Variants in KIAA1549L observed in about 807,000 individuals in gnomAD.
KIAA1549L encodes KIAA1549 like, also known as UPF0606 protein KIAA1549L.
A neutral mutation model predicts 160.7 loss-of-function variants in KIAA1549L; 88 were observed. That is an observed-to-expected ratio of 0.55 (90% CI 0.46 to 0.65). KIAA1549L has a LOEUF of 0.65. Ranked by LOEUF, KIAA1549L falls within the 30% of genes least tolerant of loss-of-function variation. The pLI is 0.00. For synonymous variants in KIAA1549L, 950 were observed against 976.7 expected (o/e 0.97, Z 0.51); for missense variants, 2,258 against 2,437.5 (o/e 0.93, Z 1.55).
In KIAA1549L at chr11:33,495,256, C is replaced by G. The variant is rs902214378; in HGVS notation, c.239-46546C>G. 9.2e-5 allele frequency among the ~76,000 whole-genome samples: 14 copies of G among 152,088 alleles called. No individual in the cohort carries two copies. The South Asian group carries it at 1.0e-3, about 11-fold the overall frequency. ...TCGTCATCTAGCATTAGATATATCT[C>G]CCAATGCTATCCCTCCCCCATCCCC... is the stretch of plus-strand genomic sequence containing the variant. On this transcript the variant is annotated intron_variant, in intron 1 of 20. Coordinates refer to ENST00000658780, the MANE Select transcript of KIAA1549L (RefSeq NM_012194.3).
chr11:33,381,481 C>G (rs1026215351), intron 1 of KIAA1549L, among the ~76,000 whole-genome samples: 6 of 152,160 alleles, frequency 3.9e-5, no homozygotes, highest in Admixed American at 1.3e-4. Context: ...AGCAGGAATG[C>G]CAATGTAGAA....
intron 12 of KIAA1549L, among the ~76,000 whole-genome samples, chr11:33,597,842 C>G (rs1197627311): frequency 6.6e-6 from 1 of 152,172 alleles, no homozygotes; most frequent in African/African-American, 2.4e-5. Context: ...AGCCTGGCTT[C>G]CAGGACTGAT....
rs1467559735 is a variant in KIAA1549L at position 33,543,969 on chromosome 11, G to A, written c.2406G>A (p.Trp802Ter). The A allele has an allele frequency of 6.2e-7, 1 of 1,613,940 alleles. No individual in the cohort carries two copies. The highest frequency in any genetic ancestry group is 1.1e-5 in the South Asian group (1 of 91,084). ...MTMVGSHIDL[W>*]PTSNNNHSRD... is the part of the protein sequence containing the mutation. Reference sequence around the variant, plus strand: ...TGGTTGGAAGCCATATAGACCTCTGGCCCACAAGCAATAACAACCATTCCA... The same window carrying A: ...TGGTTGGAAGCCATATAGACCTCTGACCCACAAGCAATAACAACCATTCCA... Residue 802 changes from tryptophan to a stop codon, truncating the protein, a stop_gained, in exon 2 of 21, where the codon TGG (tryptophan) becomes TGA (stop). Coordinates refer to ENST00000658780, the MANE Select transcript of KIAA1549L (RefSeq NM_012194.3). LOFTEE classifies it high-confidence loss of function.
At chr11:33,622,439 G>C (rs1263644109) in intron 16 of KIAA1549L, among the ~76,000 whole-genome samples, 1 of 152,140 alleles carries the variant, frequency 6.6e-6, no homozygotes, top group Admixed American at 6.5e-5. Flanking sequence ...GAACACCGAG[G>C]TTAAGAAAAC....
intron 13 of KIAA1549L, among the ~76,000 whole-genome samples, chr11:33,606,269 A>G (rs546473108): frequency 2.6e-5 from 4 of 152,374 alleles, no homozygotes; most frequent in African/African-American, 9.6e-5. Flanking sequence ...TCGGATTTTA[A>G]GGACAGTTAC....
chr11:33,578,870 GTCTC>G (rs1417832502), intron 10 of KIAA1549L, among the ~76,000 whole-genome samples: 1 of 152,138 alleles, frequency 6.6e-6, no homozygotes, highest in African/African-American at 2.4e-5. Context: ...GTTGTTGTCT[GTCTC>G]TCTCCCTCAT....
At chr11:33,502,670 T>C (rs1328526280) in intron 1 of KIAA1549L, among the ~76,000 whole-genome samples, 3 of 152,236 alleles carry the variant, frequency 2.0e-5, no homozygotes, top group Non-Finnish European at 1.5e-5. Context: ...GAAATTGTTA[T>C]CTTTATTACC....
chr11:33,651,447 A>G (rs1179910541), intron 17 of KIAA1549L, among the ~76,000 whole-genome samples: 1 of 149,816 alleles, frequency 6.7e-6, no homozygotes, highest in Non-Finnish European at 1.5e-5. Flanking sequence ...AAAAAAGAAA[A>G]AAAAAAAAAA....
At chr11:33,449,359 A>G (rs1214935798) in intron 1 of KIAA1549L, among the ~76,000 whole-genome samples, 1 of 152,088 alleles carries the variant, frequency 6.6e-6, no homozygotes, top group Admixed American at 6.5e-5. Flanking sequence ...TGATGGCTTC[A>G]AATAGCAGAG....
intron 1 of KIAA1549L, among the ~76,000 whole-genome samples, chr11:33,481,237 A>G (rs927441205): frequency 2.6e-5 from 4 of 152,042 alleles, no homozygotes; most frequent in South Asian, 2.1e-4. Flanking sequence ...ACTTTCATCA[A>G]TTATGTTTGT....
rs1470349360 is a variant in KIAA1549L at position 33,544,044 on chromosome 11, T to G, written c.2481T>G (p.His827Gln). The change falls in exon 2 of 21, where the codon CAT (histidine) becomes CAG (glutamine). Residue 827 changes from histidine to glutamine, a missense_variant. By Grantham distance (24) the His-to-Gln change is conservative. Transcript: ENST00000658780. ...EVAYYSPTTR[H>Q]SVSHPQLQLP... ...CATATTACTCACCCACAACTCGACATTCCGTGTCTCATCCTCAGCTACAGT... is the reference window on the plus strand; with the variant it reads ...CATATTACTCACCCACAACTCGACAGTCCGTGTCTCATCCTCAGCTACAGT... The G allele has an allele frequency of 1.2e-6, 2 of 1,614,004 alleles. No individual in the cohort carries two copies. The highest frequency in any genetic ancestry group is 2.2e-5 in the East Asian group (1 of 44,880).
chr11:33,577,189 G>A (rs1855479840), intron 10 of KIAA1549L, among the ~76,000 whole-genome samples: 1 of 152,130 alleles, frequency 6.6e-6, no homozygotes, highest in South Asian at 2.1e-4. Flanking sequence ...GGCATGACAG[G>A]GTAGAGATTA....
intron 6 of KIAA1549L, among the ~76,000 whole-genome samples, chr11:33,557,342 A>G (rs576349622): frequency 3.3e-5 from 5 of 151,624 alleles, no homozygotes; most frequent in Admixed American, 3.3e-4. Context: ...AGAGATAAAG[A>G]TTGAAAAGTT....
chr11:33,403,161 C>T (rs1850536766), intron 1 of KIAA1549L: 1 of 147,156 alleles, frequency 6.8e-6, no homozygotes, highest in African/African-American at 2.5e-5. Context: ...TACATTTTGA[C>T]CCAGCATGCG....
chr11:33,529,961 G>A (rs1188911726), intron 1 of KIAA1549L, among the ~76,000 whole-genome samples: 1 of 151,978 alleles, frequency 6.6e-6, no homozygotes, highest in African/African-American at 2.4e-5. Flanking sequence ...TAGTCTTTTT[G>A]CCCAATTCTC....
intron 1 of KIAA1549L, among the ~76,000 whole-genome samples, chr11:33,520,603 C>A (rs1004764017): frequency 6.7e-6 from 1 of 150,076 alleles, no homozygotes; most frequent in African/African-American, 2.5e-5. Context: ...GTTTAGAAAA[C>A]AAAGGAAATA....
intron 6 of KIAA1549L, among the ~76,000 whole-genome samples, chr11:33,557,053 T>C (rs1854672451): frequency 6.6e-6 from 1 of 152,186 alleles, no homozygotes; most frequent in African/African-American, 2.4e-5. Context: ...AGTGGCACAA[T>C]CATGGCTCAC....
chr11:33,456,400 CTGT>C (rs5790931), intron 1 of KIAA1549L, among the ~76,000 whole-genome samples: 30,010 of 151,728 alleles, frequency 0.2, 3,434 homozygotes, highest in South Asian at 0.3. Context: ...GTGCATTTTG[CTGT>C]TGTTGTTGTT....
intron 1 of KIAA1549L, among the ~76,000 whole-genome samples, chr11:33,488,547 G>C (rs1307292811): frequency 1.3e-5 from 2 of 152,092 alleles, no homozygotes; most frequent in Non-Finnish European, 2.9e-5. Context: ...AGCCTTCTCT[G>C]TATCAACTCA....
Sources: allele counts gnomAD v4.1 joint callset (sites outside exome capture counted in the v4.1 genomes callset), GRCh38; gene constraint gnomAD v4.1.1; transcripts MANE v1.5; gene names NCBI Gene and HGNC (gene_info 2026-07-23, HGNC 2026-07-21).